Variants in VTI1A observed in about 807,000 individuals in gnomAD.
VTI1A encodes vesicle transport through interaction with t-SNAREs 1A.
In VTI1A, 22 loss-of-function variants were observed where a neutral mutation model predicts 34.9. The observed-to-expected ratio is 0.63, with a 90% CI of 0.45 to 0.90. The LOEUF is 0.90. Ranked by LOEUF, VTI1A falls within the 40% of genes least tolerant of loss-of-function variation. The pLI is 0.00. For missense variants in VTI1A, 268 were observed against 275.6 expected (o/e 0.97, Z 0.20); for synonymous variants, 87 against 97.3 (o/e 0.89, Z 0.62).
At chr10:112,792,580 T>A (rs576192200) in intron 7 of VTI1A, among the ~76,000 whole-genome samples, 1 of 152,308 alleles carries the variant, frequency 6.6e-6, no homozygotes, top group Admixed American at 6.5e-5. Context: ...TTTTGAGTGA[T>A]TCTCCTTTAT....
chr10:112,679,324 AG>A (rs966674156), intron 7 of VTI1A, among the ~76,000 whole-genome samples: 3 of 152,296 alleles, frequency 2.0e-5, no homozygotes, highest in African/African-American at 7.2e-5. Context: ...TATGGGGAAA[AG>A]AAAGCACTGT....
At chr10:112,628,242 T>C (rs564992656) in intron 5 of VTI1A, among the ~76,000 whole-genome samples, 182 of 152,304 alleles carry the variant, frequency 1.2e-3, no homozygotes, top group African/African-American at 4.2e-3. Context: ...ATTTTTTGTT[T>C]ATATTTTATA....
At chr10:112,620,750 A>G (rs756701840) in intron 5 of VTI1A, among the ~76,000 whole-genome samples, 3 of 151,450 alleles carry the variant, frequency 2.0e-5, no homozygotes, top group Admixed American at 6.6e-5. Context: ...AGATCATGCC[A>G]TTGCACTCCA....
At chr10:112,719,421 GT>G (rs974548048) in intron 7 of VTI1A, among the ~76,000 whole-genome samples, 107 of 151,868 alleles carry the variant, frequency 7.0e-4, no homozygotes, top group African/African-American at 2.3e-3. Context: ...TGCTTCTATT[GT>G]TTTTTTAACA....
chr10:112,581,894 A>G (rs1302342791), intron 5 of VTI1A, among the ~76,000 whole-genome samples: 1 of 152,194 alleles, frequency 6.6e-6, no homozygotes. Flanking sequence ...CTAAACTACA[A>G]TTGGAATATC....
chr10:112,474,617 G>A (rs1274347784), intron 3 of VTI1A, among the ~76,000 whole-genome samples: 1 of 151,772 alleles, frequency 6.6e-6, no homozygotes, highest in Non-Finnish European at 1.5e-5. Context: ...CACCACAGCT[G>A]GCTATTTTTA....
intron 7 of VTI1A, among the ~76,000 whole-genome samples, chr10:112,766,117 G>GGTGTAGTA (rs1851639513): frequency 6.6e-6 from 1 of 152,174 alleles, no homozygotes; most frequent in African/African-American, 2.4e-5. Context: ...ATGAGGTCAG[G>GGTGTAGTA]GCCAGACCTA....
chr10:112,541,080 G>A (rs1850850191), intron 5 of VTI1A, among the ~76,000 whole-genome samples: 1 of 152,210 alleles, frequency 6.6e-6, no homozygotes, highest in South Asian at 2.1e-4. Context: ...CCTATTTGGG[G>A]GTGTAAAGGA....
chr10:112,852,457 G>T, the VTI1A span, among the ~76,000 whole-genome samples: 1 of 152,190 alleles, frequency 6.6e-6, no homozygotes, highest in Non-Finnish European at 1.5e-5. Context: ...TTCCTCTCCA[G>T]CAGGGCATGA....
At chr10:112,524,356 A>G (rs1214466657) in intron 3 of VTI1A, among the ~76,000 whole-genome samples, 2 of 152,118 alleles carry the variant, frequency 1.3e-5, no homozygotes, top group Non-Finnish European at 2.9e-5. Flanking sequence ...GCTCATGAGG[A>G]ACTGTTTCTG....
intron 5 of VTI1A, among the ~76,000 whole-genome samples, chr10:112,595,595 A>G (rs902467655): frequency 2.6e-5 from 4 of 152,166 alleles, no homozygotes; most frequent in African/African-American, 9.7e-5. Context: ...AGAAATGCAA[A>G]TCAAAACCAC....
At position 112,556,135 on chromosome 10, in the gene VTI1A, G is replaced by A. The variant is rs78465307; in HGVS notation, c.427+17805G>A. On this transcript the variant is annotated intron_variant, in intron 5 of 7. Transcript: ENST00000393077. ...ATGGAAATAATCTGTGTAGATTGAG[G>A]TTTCGCATACACTTTTCATGTGGAT... is the stretch of plus-strand genomic sequence containing the variant. Among the ~76,000 whole-genome samples the A allele has an allele frequency of 8.5e-3, 1,294 of 151,590 alleles. 16 individuals carry two copies. The highest frequency in any genetic ancestry group is 0.03 in the African/African-American group (1,226 of 41,406).
chr10:112,474,709 A>C (rs2134081236), intron 3 of VTI1A, among the ~76,000 whole-genome samples: 1 of 149,536 alleles, frequency 6.7e-6, no homozygotes, highest in South Asian at 2.2e-4. Flanking sequence ...CTCCAGTCTC[A>C]GCCTCCCAAA....
chr10:112,702,444 G>C (rs542457325), intron 7 of VTI1A, among the ~76,000 whole-genome samples: 2 of 152,314 alleles, frequency 1.3e-5, no homozygotes, highest in South Asian at 4.1e-4. Context: ...TTTTCAGACA[G>C]AGTCTTGCTC....
intron 7 of VTI1A, among the ~76,000 whole-genome samples, chr10:112,705,138 A>G (rs1590092394): frequency 6.6e-6 from 1 of 151,982 alleles, no homozygotes; most frequent in African/African-American, 2.4e-5. Flanking sequence ...CCTGGCCTCA[A>G]GCAATCCTCC....
At chr10:112,813,286 TTAATCCTTTCTAAA>T (rs1853383575) in intron 7 of VTI1A, among the ~76,000 whole-genome samples, 2 of 152,238 alleles carry the variant, frequency 1.3e-5, no homozygotes, top group Admixed American at 1.3e-4. Context: ...ACACCCACAG[TTAATCCTTTCTAAA>T]TTAGCATCAT....
chr10:112,751,093 C>T (rs1355335083), intron 7 of VTI1A, among the ~76,000 whole-genome samples: 1 of 151,980 alleles, frequency 6.6e-6, no homozygotes, highest in African/African-American at 2.4e-5. Context: ...TTTATCTGTC[C>T]GGACTGTAAA....
intron 3 of VTI1A, among the ~76,000 whole-genome samples, chr10:112,471,466 G>A (rs1463570473): frequency 6.8e-6 from 1 of 146,576 alleles, no homozygotes; most frequent in East Asian, 2.0e-4. Context: ...AGGTTCAGAA[G>A]AGGTCAAATC....
At chr10:112,662,922 TACAAACAA>T (rs71035396) in intron 5 of VTI1A, among the ~76,000 whole-genome samples, 9,134 of 106,094 alleles carry the variant, frequency 0.086, 919 homozygotes, top group African/African-American at 0.24. Context: ...TGCTTCTTCT[TACAAACAA>T]ACAAACAAAC....
Sources: gnomAD v4.1 joint callset for allele counts (sites outside exome capture counted in the v4.1 genomes callset) on GRCh38, gnomAD v4.1.1 for gene constraint, MANE v1.5 for transcripts, NCBI Gene and HGNC (gene_info 2026-07-23, HGNC 2026-07-21) for gene names.